The following BPTF variants were observed in gnomAD, a reference collection of about 807,000 sequenced individuals.
BPTF encodes the protein nucleosome-remodeling factor subunit BPTF.
A neutral mutation model predicts 292.5 loss-of-function variants in BPTF; 18 were observed. The ratio of observed to expected loss-of-function variants is 0.06; its 90% CI spans 0.04 to 0.09. The LOEUF (loss-of-function observed/expected upper bound fraction) is 0.09. Among genes scored for constraint, BPTF ranks in the 10% least tolerant of loss-of-function variants. BPTF has a pLI of 1.00. For missense variants in BPTF, 2,726 were observed against 3,498.7 expected (o/e 0.78, Z 5.57); for synonymous variants, 1,225 against 1,251.9 (o/e 0.98, Z 0.45).
In BPTF at chr17:67,918,779, G is replaced by A; in HGVS notation, c.5369G>A (p.Ser1790Asn). ...CTGATGTTACGGTTACTGTGGGCAA[G>A]TTTGAGATGGGATGATATGGCGGCC... is the stretch of plus-strand genomic sequence containing the variant. Reference protein sequence around the residue: ...VSLMLRLLWASLRWDDMAAKA... With the variant: ...VSLMLRLLWANLRWDDMAAKA... Residue 1790 changes from serine to asparagine, a missense_variant, in exon 12 of 28, where the codon AGT becomes AAT. Coordinates refer to ENST00000306378, the MANE Select transcript of BPTF (RefSeq NM_182641.4). 1 of 1,613,938 alleles carries A rather than the reference G, an allele frequency of 6.2e-7. No homozygotes were observed. The highest frequency in any genetic ancestry group is 8.5e-7 in the Non-Finnish European group (1 of 1,179,874).
chr17:67,943,735 A>G (rs2065579428), intron 19 of BPTF, among the ~76,000 whole-genome samples: 2 of 152,220 alleles, frequency 1.3e-5, no homozygotes, highest in Non-Finnish European at 2.9e-5. Flanking sequence ...CCTACCCCAT[A>G]AAGTCACAAG....
At chr17:67,907,004 G>A (rs1199765192) in intron 9 of BPTF, among the ~76,000 whole-genome samples, 4 of 151,870 alleles carry the variant, frequency 2.6e-5, no homozygotes, top group Non-Finnish European at 5.9e-5. Flanking sequence ...GGGCAACATG[G>A]CAAATCCCCA....
At position 67,964,197 on chromosome 17, in the gene BPTF, T is replaced by C. The variant is rs782449439; in HGVS notation, c.8262-15T>C. The C allele has an allele frequency of 1.9e-6, 3 of 1,600,720 alleles. No individual in the cohort carries two copies. In the Admixed American group the frequency reaches 5.0e-5, roughly 27 times the overall value. On this transcript the variant is annotated splice_polypyrimidine_tract_variant and intron_variant, in intron 24 of 27. Transcript: ENST00000306378. ...CATGTGTTTTGAACTCACATTTCCA[T>C]TTCGGATCTTGCAGATTTTATATTG...
rs773975793 is a variant in BPTF, at chr17:67,928,392, C to T, written c.5789C>T (p.Thr1930Ile). The T allele has an allele frequency of 5.0e-6, 8 of 1,613,674 alleles. No homozygotes were observed. Among genetic ancestry groups the T allele is most frequent in the Non-Finnish European group, 5.1e-6 (6 of 1,179,808 alleles). Residue 1930 changes from threonine to isoleucine, a missense_variant, in exon 16 of 28, where the codon ACT (threonine) becomes ATT (isoleucine). By Grantham distance (89) the Thr-to-Ile change is moderately conservative. Around this residue, in one of 22 missense-constraint regions of BPTF, gnomAD observed 198 missense variants for 277.1 expected, o/e 0.71. Transcript: ENST00000306378. ...CAGCAGAAGCCGACAGTGATTGCAACTTCCACTACTTCCCCAACAAGCAGT... is the reference window on the plus strand; with the variant it reads ...CAGCAGAAGCCGACAGTGATTGCAATTTCCACTACTTCCCCAACAAGCAGT... ...LEQQKPTVIA[T>I]STTSPTSSTT...
intron 3 of BPTF, among the ~76,000 whole-genome samples, chr17:67,870,879 C>T (rs1483964383): frequency 6.9e-6 from 1 of 144,932 alleles, no homozygotes; most frequent in Non-Finnish European, 1.5e-5. Flanking sequence ...ACGCCATTCT[C>T]CTGCCTCAGC....
chr17:67,926,832 G>A (rs1267173986), intron 15 of BPTF, among the ~76,000 whole-genome samples: 3 of 151,436 alleles, frequency 2.0e-5, no homozygotes, highest in Admixed American at 6.6e-5. Context: ...TGAATTCCTG[G>A]CTTAAGGTGA....
chr17:67,890,431 A>G (rs572446238), intron 4 of BPTF, among the ~76,000 whole-genome samples: 5 of 152,154 alleles, frequency 3.3e-5, no homozygotes, highest in Non-Finnish European at 7.3e-5. Context: ...TCTGATTTAC[A>G]CCCTTCCTGC....
At chr17:67,924,642 C>G (rs1476897628) in intron 15 of BPTF, 53 bp downstream of exon 15, 1 of 1,582,620 alleles carries the variant, frequency 6.3e-7, no homozygotes, top group Admixed American at 1.9e-5. Context: ...GAGGCTCTTT[C>G]AAAACAAAAG....
Position 67,945,579 on chromosome 17 carries a change from C to T in BPTF, c.6871C>T (p.Pro2291Ser). The T allele has an allele frequency of 3.1e-6, 5 of 1,611,374 alleles. No individual in the cohort carries two copies. The highest frequency in any genetic ancestry group is 4.2e-6 in the Non-Finnish European group (5 of 1,178,642). Residue 2291 changes from proline (P) to serine (S), a missense_variant, in exon 21 of 28, where the codon CCT becomes TCT. This residue lies in a region of BPTF where 570 missense variants were observed against 633.5 expected (regional missense o/e 0.90). Transcript: ENST00000306378. ...AACCCAGCCCCAGTCCCCAGCTCAG[C>T]CTGAAGTTCAGACTCAGCCTGAAGT... ...PQTQPQSPAQ[P>S]EVQTQPEVQT...
Position 67,910,818 on chromosome 17 carries a change from A to G in BPTF, c.2993-59A>G, listed in dbSNP as rs1309435306. ...CCATCTCAAAAAAAAAAATATATAT[A>G]TATAAATTCCTCCTTTCAGAGTAAA... On this transcript the variant is annotated intron_variant, in intron 10 of 27. Coordinates refer to ENST00000306378, the MANE Select transcript of BPTF (RefSeq NM_182641.4). 1.5e-5 allele frequency: 19 copies of G among 1,235,208 alleles called. No homozygotes were observed. The Admixed American group carries it at 3.8e-4, about 25-fold the overall frequency. The allele number at this position is 1,235,208 out of a possible 1,614,324, so 76.5% of individuals were successfully genotyped here.
chr17:67,911,140 G>A lies in BPTF; in HGVS notation c.3256G>A (p.Gly1086Ser), dbSNP rs1210381986. Residue 1086 changes from glycine (G) to serine (S), a missense_variant, in exon 11 of 28, where the codon GGT becomes AGT. Around this residue, in one of 22 missense-constraint regions of BPTF, gnomAD observed 713 missense variants for 714.9 expected, o/e 1.00. Coordinates refer to ENST00000306378, the MANE Select transcript of BPTF (RefSeq NM_182641.4). ...KQRLEKIKLE[G>S]GIKGIGKTST... ...GCGACTCGAAAAAATCAAGTTGGAG[G>A]GTGGAATTAAGGGTATAGGAAAGAC... 1 of 1,613,980 alleles carries A rather than the reference G, an allele frequency of 6.2e-7. No homozygotes were observed. The highest frequency in any genetic ancestry group is 8.5e-7 in the Non-Finnish European group (1 of 1,179,990).
intron 3 of BPTF, among the ~76,000 whole-genome samples, chr17:67,873,246 T>G (rs2059857409): frequency 6.6e-6 from 1 of 151,904 alleles, no homozygotes; most frequent in Non-Finnish European, 1.5e-5. Context: ...TCACCTGAGG[T>G]CAGGAGTTCA....
chr17:67,833,328 C>T (rs573144737), intron 1 of BPTF, among the ~76,000 whole-genome samples: 2 of 151,948 alleles, frequency 1.3e-5, no homozygotes, highest in African/African-American at 4.8e-5. Context: ...ATCTTCCTGC[C>T]TCAGCCTTCC....
At chr17:67,920,721 G>A (rs2063375574) in intron 13 of BPTF, among the ~76,000 whole-genome samples, 1 of 152,108 alleles carries the variant, frequency 6.6e-6, no homozygotes, top group Admixed American at 6.6e-5. Flanking sequence ...GTTGCAGTAA[G>A]CTAAGAGAGT....
intron 5 of BPTF, among the ~76,000 whole-genome samples, chr17:67,892,353 G>GGTTTTAT (rs2061173917): frequency 6.6e-6 from 1 of 152,100 alleles, no homozygotes; most frequent in Non-Finnish European, 1.5e-5. Context: ...GGCTATTTTG[G>GGTTTTAT]GTTTTATGGT....
chr17:67,854,487 A>T lies in BPTF; in HGVS notation c.1161A>T (p.Ile387=), dbSNP rs774589699. ...AREELMSEGV[I]QYDDHCRVCH... is the part of the protein sequence containing the mutation. ...AGGAATTGATGTCTGAAGGGGTGAT[A>T]CAGTATGATGACCATTGTAGGGTTT... Residue 387 remains isoleucine (I), a synonymous_variant, in exon 2 of 28, where the codon ATA becomes ATT. Transcript: ENST00000306378. This position sits in a 1 kb window ranked among gnomAD's most constrained non-coding sequence, Gnocchi z 5.6. 1 of 1,614,222 alleles carries T rather than the reference A, an allele frequency of 6.2e-7. No individual in the cohort carries two copies. Among genetic ancestry groups the T allele is most frequent in the South Asian group, 1.1e-5 (1 of 91,088 alleles).
chr17:67,952,620 T>C (rs1555678969), intron 23 of BPTF, among the ~76,000 whole-genome samples: 1 of 152,118 alleles, frequency 6.6e-6, no homozygotes, highest in Non-Finnish European at 1.5e-5. Flanking sequence ...CCCATATTAT[T>C]CCTCCCCCAC....
chr17:67,916,288 A>G (rs190402031), intron 11 of BPTF, among the ~76,000 whole-genome samples: 3 of 152,060 alleles, frequency 2.0e-5, no homozygotes, highest in South Asian at 2.1e-4. Flanking sequence ...CATTTTTCCA[A>G]CTGAATGCTG....
chr17:67,947,840 C>T lies in BPTF; in HGVS notation c.7700+32C>T, dbSNP rs782012894. On this transcript the variant is annotated intron_variant, in intron 22 of 27. Transcript: ENST00000306378. ...GAGACGCAGGGTCTTGTTGTCTGTC[C>T]GTCTCTTCTCTTTATCGTGCACACG... is the stretch of plus-strand genomic sequence containing the variant. The T allele has an allele frequency of 4.6e-6, 7 of 1,531,886 alleles. No individual in the cohort carries two copies. The South Asian group carries it at 4.8e-5, about 11-fold the overall frequency. 94.9% of individuals were successfully genotyped at this position (1,531,886 alleles called of 1,614,324 possible). A position where few individuals can be genotyped will look rare whatever the true frequency, so the allele number is the denominator to read the frequency against.
Sources: gnomAD v4.1 joint callset for allele counts (sites outside exome capture counted in the v4.1 genomes callset) on GRCh38, gnomAD v4.1.1 for gene constraint, gnomAD v4.1.1 regional missense constraint, Gnocchi (gnomAD v3.1) non-coding constraint, MANE v1.5 for transcripts, NCBI Gene and HGNC (gene_info 2026-07-23, HGNC 2026-07-21) for gene names.